The following SCAPER variants were observed in gnomAD, a reference collection of about 807,000 sequenced individuals.
SCAPER encodes S-phase cyclin A associated protein in the ER.
Under a neutral mutation model 182.2 loss-of-function variants are expected in SCAPER, and 98 were observed. The observed-to-expected ratio is 0.54, with a 90% CI of 0.46 to 0.64. The LOEUF (loss-of-function observed/expected upper bound fraction) is 0.64, where lower values mean the gene tolerates loss of function less well. Among genes scored for constraint, SCAPER ranks in the 30% least tolerant of loss-of-function variants. The pLI, the probability that SCAPER is intolerant of heterozygous loss-of-function variation, is 0.00. For missense variants in SCAPER, 1,432 were observed against 1,690.0 expected, an observed-to-expected ratio of 0.85 and a Z score of 2.68; for synonymous variants, 605 against 564.6, an observed-to-expected ratio of 1.07 and a Z score of -1.01.
At chr15:76,610,470 C>A (rs539745045) in intron 22 of SCAPER, among the ~76,000 whole-genome samples, 4 of 152,256 alleles carry the variant, frequency 2.6e-5, no homozygotes, top group African/African-American at 9.6e-5. Context: ...AAATAAAATG[C>A]ATCCAATTTG....
intron 27 of SCAPER, 127 bp from the exon 28 acceptor site, chr15:76,381,742 C>T: frequency 1.4e-6 from 1 of 721,472 alleles, no homozygotes; most frequent in East Asian, 2.7e-5. Context: ...AGTATGGTAA[C>T]AAGAAACTTC....
At chr15:76,764,907 A>C in intron 14 of SCAPER, 54 bp downstream of exon 14, 1 of 1,057,376 alleles carries the variant, frequency 9.5e-7, no homozygotes, top group Non-Finnish European at 1.4e-6. Flanking sequence ...GTAGAGTTGA[A>C]AATAAGCCCA....
intron 23 of SCAPER, among the ~76,000 whole-genome samples, chr15:76,535,521 C>CAAAAAAAAA (rs56660301): frequency 2.1e-5 from 1 of 46,638 alleles, no homozygotes; most frequent in Non-Finnish European, 4.4e-5. Context: ...GACTCTGTCT[C>CAAAAAAAAA]AAAAAAAAAA....
chr15:76,494,297 G>A (rs1220774288), intron 24 of SCAPER, among the ~76,000 whole-genome samples: 1 of 152,162 alleles, frequency 6.6e-6, no homozygotes, highest in African/African-American at 2.4e-5. Flanking sequence ...TGGATCTTAC[G>A]TGAACATTTC....
chr15:76,708,530 T>C (rs561863989), intron 17 of SCAPER, among the ~76,000 whole-genome samples: 1 of 151,132 alleles, frequency 6.6e-6, no homozygotes, highest in South Asian at 2.1e-4. Flanking sequence ...AAAAATAGTT[T>C]CAAATCAATC....
chr15:76,706,469 T>A (rs1251201875), intron 17 of SCAPER, among the ~76,000 whole-genome samples: 1 of 152,068 alleles, frequency 6.6e-6, no homozygotes, highest in Non-Finnish European at 1.5e-5. Flanking sequence ...CAAAATTCCA[T>A]AGAAGCTCAG....
In SCAPER at chr15:76,600,534, CCGCCTCCCAGGTTCAAGCAATTATCCTG is replaced by C. The variant is rs1177205550; in HGVS notation, c.2711+21202_2711+21229del. 1.7e-5 allele frequency among the ~76,000 whole-genome samples: 2 copies of C among 114,510 alleles called. 1 individual carries two copies. Among genetic ancestry groups the C allele is most frequent in the Non-Finnish European group, 4.2e-5 (2 of 47,580 alleles). 75.1% of individuals were successfully genotyped at this position (114,510 alleles called of 152,430 possible). A position where few individuals can be genotyped will look rare whatever the true frequency, so the allele number is the denominator to read the frequency against. On this transcript the variant is annotated intron_variant, in intron 22 of 31. Transcript: ENST00000563290. ...GCACCATCTCTACCCACTGCAACCT[CCGCCTCCCAGGTTCAAGCAATTATCCTG>C]CCTCAGCCTCCCGAGTAGCTGGGAT...
intron 22 of SCAPER, among the ~76,000 whole-genome samples, chr15:76,617,100 AT>A (rs1183515339): frequency 2.0e-5 from 3 of 152,086 alleles, no homozygotes; most frequent in Non-Finnish European, 4.4e-5. Context: ...TGTTGTAAAT[AT>A]TTCCACCCCT....
At chr15:76,707,384 A>G (rs1327076006) in intron 17 of SCAPER, among the ~76,000 whole-genome samples, 2 of 152,144 alleles carry the variant, frequency 1.3e-5, no homozygotes, top group Non-Finnish European at 2.9e-5. Context: ...ACAGCCTACA[A>G]GAGACAGATC....
intron 1 of SCAPER, among the ~76,000 whole-genome samples, chr15:76,885,640 T>C (rs1192973032): frequency 6.6e-6 from 1 of 152,150 alleles, no homozygotes; most frequent in African/African-American, 2.4e-5. Context: ...CACACCATCA[T>C]GTCTGGGTAA....
chr15:76,564,068 G>A (rs1056203136), intron 23 of SCAPER, among the ~76,000 whole-genome samples: 2 of 152,092 alleles, frequency 1.3e-5, no homozygotes, highest in African/African-American at 4.8e-5. Context: ...CATACTGACT[G>A]GGCAAAAGCT....
At chr15:76,497,563 G>A (rs1005583551) in intron 24 of SCAPER, among the ~76,000 whole-genome samples, 10 of 152,024 alleles carry the variant, frequency 6.6e-5, no homozygotes, top group African/African-American at 2.4e-4. Flanking sequence ...AAGAAGAAAA[G>A]GTAACAAGGA....
intron 20 of SCAPER, among the ~76,000 whole-genome samples, chr15:76,673,574 G>A (rs2057172373): frequency 6.6e-6 from 1 of 152,054 alleles, no homozygotes; most frequent in African/African-American, 2.4e-5. Flanking sequence ...GAAGAAAAGA[G>A]ATACAGGATG....
intron 20 of SCAPER, among the ~76,000 whole-genome samples, chr15:76,679,364 C>G (rs1218601577): frequency 1.3e-5 from 2 of 152,108 alleles, no homozygotes; most frequent in Non-Finnish European, 2.9e-5. Context: ...GTTTAAAATT[C>G]TGTCAAACAG....
intron 5 of SCAPER, among the ~76,000 whole-genome samples, chr15:76,817,344 A>G (rs2151622655): frequency 6.6e-6 from 1 of 152,176 alleles, no homozygotes; most frequent in South Asian, 2.1e-4. Context: ...GATCTCATTT[A>G]TATATATATA....
Position 76,574,138 on chromosome 15 carries a change from G to A in SCAPER, c.2838+20C>T, listed in dbSNP as rs2047649335. Reference sequence around the variant, plus strand: ...GGATCACAAAGATTAAGGTTCAAAAGCCAGATATTAGTTACACACCTCTTT... The same window carrying A: ...GGATCACAAAGATTAAGGTTCAAAAACCAGATATTAGTTACACACCTCTTT... On this transcript the variant is annotated intron_variant, in intron 23 of 31. Transcript: ENST00000563290. The A allele has an allele frequency of 6.3e-7, 1 of 1,586,724 alleles. No homozygotes were observed. The highest frequency in any genetic ancestry group is 1.3e-5 in the African/African-American group (1 of 74,588).
In SCAPER at chr15:76,891,496, A is replaced by T. The variant is rs182307242; in HGVS notation, c.-59-7620T>A. Among the ~76,000 whole-genome samples the T allele has an allele frequency of 3.2e-3, 483 of 152,346 alleles. 3 individuals are homozygous for T. Among genetic ancestry groups the T allele is most frequent in the South Asian group, 0.016 (77 of 4,824 alleles). ...GTCTCAGGATATAAAATCAATATGC[A>T]AAAATTGCACAAGCAATACACCAAT... On this transcript the variant is annotated intron_variant, in intron 1 of 31. Coordinates refer to ENST00000563290, the MANE Select transcript of SCAPER (RefSeq NM_020843.4).
chr15:76,497,352 T>A (rs1237182196), intron 24 of SCAPER, among the ~76,000 whole-genome samples: 1 of 152,056 alleles, frequency 6.6e-6, no homozygotes, highest in African/African-American at 2.4e-5. Flanking sequence ...GGTCTGTAGA[T>A]TGGTTGCTCT....
chr15:76,857,900 A>C, intron 3 of SCAPER, 21 bp from the exon 4 acceptor site: 1 of 1,470,550 alleles, frequency 6.8e-7, no homozygotes, highest in Non-Finnish European at 9.3e-7. Context: ...AGAAAAAAAT[A>C]AATATGTAGA....
Sources: gnomAD v4.1 joint callset for allele counts (sites outside exome capture counted in the v4.1 genomes callset) on GRCh38, gnomAD v4.1.1 for gene constraint, MANE v1.5 for transcripts, NCBI Gene and HGNC (gene_info 2026-07-23, HGNC 2026-07-21) for gene names.